The following CCDC15 variants were observed in gnomAD, a reference collection of about 807,000 sequenced individuals.
CCDC15 encodes the protein coiled-coil domain containing 15.
Under a neutral mutation model 114.5 loss-of-function variants are expected in CCDC15, and 105 were observed. That is an observed-to-expected ratio of 0.92 (90% CI 0.78 to 1.08). The LOEUF (loss-of-function observed/expected upper bound fraction) is 1.08. Ranked by LOEUF, CCDC15 falls within the 50% of genes least tolerant of loss-of-function variation. The pLI, the probability that CCDC15 is intolerant of heterozygous loss-of-function variation, is 0.00. For synonymous variants in CCDC15, 334 were observed against 377.8 expected (o/e 0.88, Z 1.34); for missense variants, 1,105 against 1,093.6 (o/e 1.01, Z -0.15).
At chr11:125,039,309 T>A (rs941290033) in intron 15 of CCDC15, 7 of 393,812 alleles carry the variant, frequency 1.8e-5, no homozygotes, top group Non-Finnish European at 2.7e-5. Context: ...CATTCTACTG[T>A]AGGAGGTCTT....
intron 11 of CCDC15, among the ~76,000 whole-genome samples, chr11:124,999,919 T>C (rs1021142754): frequency 2.8e-5 from 4 of 144,654 alleles, no homozygotes; most frequent in Admixed American, 7.5e-5. Flanking sequence ...TGGAGTGCAG[T>C]GGTGTGATCT....
At chr11:125,029,523 A>C (rs915230614) in intron 13 of CCDC15, among the ~76,000 whole-genome samples, 11 of 152,368 alleles carry the variant, frequency 7.2e-5, no homozygotes, top group Non-Finnish European at 1.5e-4. Context: ...GAGAGAAGAA[A>C]TAAAATGAAG....
At chr11:124,979,679 G>C (rs891810402) in intron 6 of CCDC15, among the ~76,000 whole-genome samples, 6 of 152,068 alleles carry the variant, frequency 3.9e-5, no homozygotes, top group African/African-American at 1.4e-4. Flanking sequence ...GAGACTATGG[G>C]GATTTCTAGG....
At chr11:125,000,830 A>C (rs1948467544) in intron 11 of CCDC15, among the ~76,000 whole-genome samples, 2 of 152,210 alleles carry the variant, frequency 1.3e-5, no homozygotes, top group Non-Finnish European at 2.9e-5. Context: ...ATCAGGAAAT[A>C]CTGAATTTTT....
intron 4 of CCDC15, among the ~76,000 whole-genome samples, chr11:124,963,342 T>G (rs1042439375): frequency 6.6e-6 from 1 of 152,206 alleles, no homozygotes; most frequent in Non-Finnish European, 1.5e-5. Flanking sequence ...TTCTAACTGG[T>G]GTGAGATGGT....
At chr11:125,027,629 A>G (rs56160757) in intron 13 of CCDC15, among the ~76,000 whole-genome samples, 3,169 of 151,272 alleles carry the variant, frequency 0.021, 46 homozygotes, top group Non-Finnish European at 0.032. Context: ...GATTCTGGAT[A>G]TTAGTCCTTT....
intron 11 of CCDC15, among the ~76,000 whole-genome samples, chr11:124,999,815 C>T (rs1445085653): frequency 7.5e-6 from 1 of 132,998 alleles, no homozygotes; most frequent in Non-Finnish European, 1.6e-5. Flanking sequence ...CATCTTCCTG[C>T]TTTCTTCTAT....
intron 6 of CCDC15, among the ~76,000 whole-genome samples, chr11:124,986,382 A>G (rs543985874): frequency 1.3e-5 from 2 of 152,336 alleles, no homozygotes; most frequent in East Asian, 1.9e-4. Context: ...AATTTCTGCC[A>G]AAGAAAAGCC....
At chr11:124,971,930 A>G (rs1947889024) in intron 4 of CCDC15, among the ~76,000 whole-genome samples, 1 of 152,104 alleles carries the variant, frequency 6.6e-6, no homozygotes, top group African/African-American at 2.4e-5. Context: ...CTCCCCTGCC[A>G]CCACTACACA....
Position 124,991,592 on chromosome 11 carries a change from G to A in CCDC15, c.2031+9G>A, listed in dbSNP as rs373373147. Reference sequence around the variant, plus strand: ...ATGACATCAAAAATCAGGTAGAGTAGAAGAAAAAGATATAAACAGGAAGGA... The same window carrying A: ...ATGACATCAAAAATCAGGTAGAGTAAAAGAAAAAGATATAAACAGGAAGGA... On this transcript the variant is annotated intron_variant, in intron 9 of 15. Coordinates refer to ENST00000344762, the MANE Select transcript of CCDC15 (RefSeq NM_025004.3). 4.4e-6 allele frequency: 7 copies of A among 1,590,942 alleles called. No homozygotes were observed. In the African/African-American group the frequency reaches 5.4e-5, roughly 12 times the overall value.
In CCDC15 at chr11:124,954,861, G is replaced by T; in HGVS notation, c.129G>T (p.Gly43=). The change falls in exon 2 of 16, where the codon GGG becomes GGT. Residue 43 remains glycine (G), a synonymous_variant. Transcript: ENST00000344762. The part of the protein sequence containing the change: ...AERNEAIVPV[G]AWVEPASPGS... The stretch of plus-strand genomic sequence containing the variant: ...GGAACGAGGCTATAGTACCAGTTGG[G>T]GCATGGGTGGAACCTGCCTCACCAG... 1 of 1,613,962 alleles carries T rather than the reference G, an allele frequency of 6.2e-7. No homozygotes were observed. Among genetic ancestry groups the T allele is most frequent in the Non-Finnish European group, 8.5e-7 (1 of 1,179,882 alleles).
Position 124,987,606 on chromosome 11 carries a change from CCAAGAT to C in CCDC15, c.1381_1386del (p.Gln461_Asp462del), listed in dbSNP as rs1263710434. ...GAGACCAGCATGTTCTCCACAAAGA[CCAAGAT>C]ATTCTGCCAAAATATCAGGACCAGA... On this transcript the variant is annotated inframe_deletion, in exon 8 of 16. Coordinates refer to ENST00000344762, the MANE Select transcript of CCDC15 (RefSeq NM_025004.3). The C allele has an allele frequency of 6.2e-7, 1 of 1,613,866 alleles. No homozygotes were observed. Among genetic ancestry groups the C allele is most frequent in the Admixed American group, 1.7e-5 (1 of 60,008 alleles).
chr11:124,971,986 T>A (rs923531259), intron 4 of CCDC15, among the ~76,000 whole-genome samples: 1 of 152,186 alleles, frequency 6.6e-6, no homozygotes, highest in African/African-American at 2.4e-5. Context: ...ATATTGTAAT[T>A]TTGCTTAGAT....
At chr11:124,997,690 C>CGGGAGG (rs1948398419) in intron 11 of CCDC15, among the ~76,000 whole-genome samples, 3 of 152,144 alleles carry the variant, frequency 2.0e-5, no homozygotes, top group Admixed American at 2.0e-4. Context: ...GCCTATAATC[C>CGGGAGG]CAGCACTTTG....
intron 6 of CCDC15, among the ~76,000 whole-genome samples, chr11:124,982,053 GT>G (rs1394592892): frequency 6.6e-6 from 1 of 152,152 alleles, no homozygotes; most frequent in East Asian, 1.9e-4. Flanking sequence ...ACCCTTCTTT[GT>G]CTTTTTTTAA....
At chr11:124,983,928 G>A (rs906710237) in intron 6 of CCDC15, among the ~76,000 whole-genome samples, 5 of 152,144 alleles carry the variant, frequency 3.3e-5, no homozygotes, top group Non-Finnish European at 5.9e-5. Context: ...TGTTCACTCT[G>A]GTGGCAGTGT....
intron 4 of CCDC15, among the ~76,000 whole-genome samples, chr11:124,968,300 GTGGGCTCC>G (rs1947819236): frequency 6.6e-6 from 1 of 152,142 alleles, no homozygotes; most frequent in Non-Finnish European, 1.5e-5. Flanking sequence ...TTGAGCTGCA[GTGGGCTCC>G]ACCCAGTTCG....
At chr11:124,956,844 A>C (rs550661770) in intron 2 of CCDC15, among the ~76,000 whole-genome samples, 2 of 152,284 alleles carry the variant, frequency 1.3e-5, no homozygotes, top group South Asian at 2.1e-4. Context: ...CTGTCAGCTC[A>C]AAATAAATGC....
At chr11:125,025,067 AATATATGAATATATATGAATAT>A (rs1272404164) in intron 13 of CCDC15, among the ~76,000 whole-genome samples, 8 of 115,118 alleles carry the variant, frequency 6.9e-5, no homozygotes, top group South Asian at 2.6e-4. Flanking sequence ...TATATATATG[AATATATGAATATATATGAATAT>A]ATATATGAAT....
Sources: gnomAD v4.1 joint callset for allele counts (sites outside exome capture counted in the v4.1 genomes callset) on GRCh38, gnomAD v4.1.1 for gene constraint, MANE v1.5 for transcripts, NCBI Gene and HGNC (gene_info 2026-07-23, HGNC 2026-07-21) for gene names.